The following ARL2 variants were observed in gnomAD, a reference collection of about 807,000 sequenced individuals.
ARL2 encodes ARF like GTPase 2.
Under a neutral mutation model 22.0 loss-of-function variants are expected in ARL2, and 11 were observed. That is an observed-to-expected ratio of 0.50 (90% CI 0.31 to 0.83). The LOEUF (loss-of-function observed/expected upper bound fraction) is 0.83, where lower values mean the gene tolerates loss of function less well. Ranked by LOEUF, ARL2 falls within the 40% of genes least tolerant of loss-of-function variation. ARL2 has a pLI of 0.04. For synonymous variants in ARL2, 111 were observed against 100.8 expected (o/e 1.10, Z -0.61); for missense variants, 216 against 243.2 (o/e 0.89, Z 0.74).
At chr11:65,016,350 TGAG>T (rs955747635) in intron 1 of ARL2, among the ~76,000 whole-genome samples, 5 of 143,808 alleles carry the variant, frequency 3.5e-5, no homozygotes, top group African/African-American at 1.3e-4. Context: ...AGAGGACTGG[TGAG>T]GAGGGCAGTA....
At position 65,021,917 on chromosome 11, in the gene ARL2, A is replaced by AT; in HGVS notation, c.*63dup. 6.4e-7 allele frequency: 1 copy of AT among 1,567,858 alleles called. No homozygotes were observed. Among genetic ancestry groups the AT allele is most frequent in the Admixed American group, 1.7e-5 (1 of 58,586 alleles). ...CCTCAACCTTCACCAAACACTACCCATGGGGGGTTGGGAGTCAGCCGGCCA... is the reference window on the plus strand; with the variant it reads ...CCTCAACCTTCACCAAACACTACCCATTGGGGGGTTGGGAGTCAGCCGGCCA... On this transcript the variant is annotated 3_prime_UTR_variant, in exon 5 of 5. Transcript: ENST00000246747.
Position 65,014,227 on chromosome 11 carries a change from T to G in ARL2, c.20T>G (p.Leu7Arg). Residue 7 changes from leucine to arginine, a missense_variant, in exon 1 of 5, where the codon CTG becomes CGG. By Grantham distance (102) the Leu-to-Arg change is moderately radical (BLOSUM62 -2). Coordinates refer to ENST00000246747, the MANE Select transcript of ARL2 (RefSeq NM_001667.4). Reference protein sequence around the residue: MGLLTILKKMKQKEREL... With the variant: MGLLTIRKKMKQKEREL... ...GGGACCATGGGGCTCCTGACCATTC[T>G]GAAGAAGATGAAGCAGAAAGAGCGG... The G allele has an allele frequency of 6.4e-7, 1 of 1,573,710 alleles. No homozygotes were observed. The highest frequency in any genetic ancestry group is 2.6e-5 in the East Asian group (1 of 39,084).
chr11:65,021,923 G>C lies in ARL2; in HGVS notation c.*68G>C, dbSNP rs947615055. On this transcript the variant is annotated 3_prime_UTR_variant, in exon 5 of 5. Transcript: ENST00000246747. ...CCTTCACCAAACACTACCCATGGGGGGTTGGGAGTCAGCCGGCCAAACTAA... is the reference window on the plus strand; with the variant it reads ...CCTTCACCAAACACTACCCATGGGGCGTTGGGAGTCAGCCGGCCAAACTAA... 2.6e-6 allele frequency: 4 copies of C among 1,561,544 alleles called. No individual in the cohort carries two copies. The highest frequency in any genetic ancestry group is 2.7e-5 in the African/African-American group (2 of 74,262).
chr11:65,020,265 G>A (rs1202367634), intron 3 of ARL2, among the ~76,000 whole-genome samples, 154 bp from the exon 4 acceptor site: 2 of 152,122 alleles, frequency 1.3e-5, no homozygotes, highest in Non-Finnish European at 2.9e-5. Flanking sequence ...TGATGGCTAC[G>A]TCCACAAACT....
intron 4 of ARL2, 143 bp from the exon 5 acceptor site, chr11:65,021,578 C>A (rs1191235714): frequency 2.8e-6 from 3 of 1,081,804 alleles, no homozygotes; most frequent in Non-Finnish European, 3.9e-6. Context: ...CTCCCTGGGA[C>A]CGGCGGGGCT....
At position 65,014,192 on chromosome 11, in the gene ARL2, G is replaced by GGGGGCTCCGGGGACCAT. The variant is rs749190023; in HGVS notation, c.-7_10dup. 2 of 1,552,938 alleles carry GGGGGCTCCGGGGACCAT rather than the reference G, an allele frequency of 1.3e-6. No individual in the cohort carries two copies. Among genetic ancestry groups the GGGGGCTCCGGGGACCAT allele is most frequent in the East Asian group, 2.6e-5 (1 of 38,302 alleles). On this transcript the variant is annotated 5_prime_UTR_variant, in exon 1 of 5. The change creates a new upstream start codon in the 5' untranslated region. Coordinates refer to ENST00000246747, the MANE Select transcript of ARL2 (RefSeq NM_001667.4). Reference sequence around the variant, plus strand: ...GACTGGGAAGAAACGGCGGCCGGGAGGGGGCTCCGGGGACCATGGGGCTCC... The same window carrying GGGGGCTCCGGGGACCAT: ...GACTGGGAAGAAACGGCGGCCGGGAGGGGGCTCCGGGGACCATGGGGCTCCGGGGACCATGGGGCTCC...
At chr11:65,015,752 C>G (rs181413554) in intron 1 of ARL2, among the ~76,000 whole-genome samples, 7 of 152,092 alleles carry the variant, frequency 4.6e-5, no homozygotes, top group Admixed American at 4.6e-4. Context: ...GAGACTCTGT[C>G]TCTATTTATA....
chr11:65,021,487 A>C, intron 4 of ARL2: 1 of 457,900 alleles, frequency 2.2e-6, no homozygotes, highest in Non-Finnish European at 3.9e-6. Flanking sequence ...TCAGGAGCCC[A>C]TGCTGCATTT....
In ARL2 at chr11:65,021,831, C is replaced by T. The variant is rs1182383792; in HGVS notation, c.531C>T (p.Ser177=). Residue 177 remains serine, a synonymous_variant, in exon 5 of 5, where the codon TCC becomes TCT. Coordinates refer to ENST00000246747, the MANE Select transcript of ARL2 (RefSeq NM_001667.4). ...TCGACTGGCTCCTGGATGACATTTC[C>T]AGCCGCATTTTCACAGCTGACTGAA... ...PGIDWLLDDI[S]SRIFTAD is the part of the protein sequence containing the mutation. The T allele has an allele frequency of 1.9e-6, 3 of 1,613,374 alleles. No homozygotes were observed. The highest frequency in any genetic ancestry group is 1.1e-5 in the South Asian group (1 of 91,074).
At chr11:65,014,394 CA>C (rs751524055) in intron 1 of ARL2, 122 bp downstream of exon 1, 2 of 764,268 alleles carry the variant, frequency 2.6e-6, no homozygotes. Flanking sequence ...CTGGCGTCAC[CA>C]CGCGGGCCCC....
chr11:65,018,030 G>A lies in ARL2; in HGVS notation c.66-334G>A, dbSNP rs765360902. Among the ~76,000 whole-genome samples, 5 of 152,176 alleles carry A rather than the reference G, an allele frequency of 3.3e-5. No homozygotes were observed. Among genetic ancestry groups the A allele is most frequent in the Admixed American group, 6.5e-5 (1 of 15,280 alleles). On this transcript the variant is annotated intron_variant, in intron 1 of 4. Transcript: ENST00000246747. This position sits in a 1 kb window ranked among gnomAD's most constrained non-coding sequence, Gnocchi z 4.2. The stretch of plus-strand genomic sequence containing the variant: ...CTCTGTTGTGTTGATGGCGCTAGCC[G>A]GGATCTGGCAGGGCCTTCTTTTCTC...
In ARL2 at chr11:65,018,276, G is replaced by A. The variant is rs1946282252; in HGVS notation, c.66-88G>A. ...TGCTCAACTCAGTTTGATACATGGT[G>A]GGAAATAATGAGTCCCCTAAGGGGC... On this transcript the variant is annotated intron_variant, in intron 1 of 4. Transcript: ENST00000246747. This position sits in a 1 kb window ranked among gnomAD's most constrained non-coding sequence, Gnocchi z 4.2. 5 of 1,045,970 alleles carry A rather than the reference G, an allele frequency of 4.8e-6. No individual in the cohort carries two copies. The highest frequency in any genetic ancestry group is 2.6e-5 in the East Asian group (1 of 38,672). 64.8% of individuals were successfully genotyped at this position (1,045,970 alleles called of 1,614,324 possible). A position where few individuals can be genotyped will look rare whatever the true frequency, so the allele number is the denominator to read the frequency against.
chr11:65,017,474 G>A (rs1224533209), intron 1 of ARL2, among the ~76,000 whole-genome samples: 1 of 152,146 alleles, frequency 6.6e-6, no homozygotes, highest in Admixed American at 6.6e-5. Context: ...GGGATTACAG[G>A]TGTGAGCCAC....
rs1257227992 is a variant in ARL2 at position 65,014,296 on chromosome 11, G to T, written c.65+24G>T. 8.5e-6 allele frequency: 13 copies of T among 1,528,790 alleles called. No individual in the cohort carries two copies. In the Middle Eastern group the frequency reaches 5.1e-4, roughly 60 times the overall value. 94.7% of individuals were successfully genotyped at this position (1,528,790 alleles called of 1,614,324 possible). ...CTGTATCCTACCGGACGCCGGAACC[G>T]CGAGGGTGGCGGGGTCCAGCCGGGC... On this transcript the variant is annotated intron_variant, in intron 1 of 4. Coordinates refer to ENST00000246747, the MANE Select transcript of ARL2 (RefSeq NM_001667.4).
At chr11:65,020,163 G>C (rs1946310236) in intron 3 of ARL2, among the ~76,000 whole-genome samples, 1 of 152,206 alleles carries the variant, frequency 6.6e-6, no homozygotes, top group Non-Finnish European at 1.5e-5. Context: ...GGAAGAGGAA[G>C]CTGGAGCATG....
chr11:65,020,298 C>T, intron 3 of ARL2, 121 bp from the exon 4 acceptor site: 1 of 837,518 alleles, frequency 1.2e-6, no homozygotes. Context: ...TCTCCCACCA[C>T]CACGGGGCCT....
chr11:65,016,269 G>A (rs1338714465), intron 1 of ARL2, among the ~76,000 whole-genome samples: 1 of 95,410 alleles, frequency 1.0e-5, no homozygotes, highest in South Asian at 3.7e-4. Flanking sequence ...ATAGCAATTC[G>A]GGGGGGGGGG....
At chr11:65,020,961 C>T (rs1275937085) in intron 4 of ARL2, among the ~76,000 whole-genome samples, 1 of 151,978 alleles carries the variant, frequency 6.6e-6, no homozygotes, top group Non-Finnish European at 1.5e-5. Flanking sequence ...ATGCAGGGCA[C>T]TGGGGATCCA....
rs1299482707 is a variant in ARL2 at position 65,022,155 on chromosome 11, A to G, written c.*300A>G. 1.2e-5 allele frequency: 5 copies of G among 411,930 alleles called. No homozygotes were observed. The East Asian group carries it at 2.0e-4, about 17-fold the overall frequency. The allele number at this position is 411,930 out of a possible 1,614,324, so 25.5% of individuals were successfully genotyped here. ...AGGCTGTGGGCCTCATCCTTCACTC[A>G]GTTGTGAAATAAACCGCTCCTTGCC... On this transcript the variant is annotated 3_prime_UTR_variant, in exon 5 of 5. Coordinates refer to ENST00000246747, the MANE Select transcript of ARL2 (RefSeq NM_001667.4).
Sources: gnomAD v4.1 joint callset for allele counts (sites outside exome capture counted in the v4.1 genomes callset) on GRCh38, gnomAD v4.1.1 for gene constraint, Gnocchi (gnomAD v3.1) non-coding constraint, MANE v1.5 for transcripts, NCBI Gene and HGNC (gene_info 2026-07-23, HGNC 2026-07-21) for gene names.